The following HHAT variants were observed in gnomAD, a reference collection of about 807,000 sequenced individuals.
HHAT encodes hedgehog acyltransferase.
In HHAT, 47 loss-of-function variants were observed where a neutral mutation model predicts 70.8. The observed-to-expected ratio is 0.66, with a 90% CI of 0.53 to 0.85. The LOEUF (loss-of-function observed/expected upper bound fraction) is 0.85. Ranked by LOEUF, HHAT falls within the 40% of genes least tolerant of loss-of-function variation. The pLI is 0.00. For missense variants in HHAT, 609 were observed against 604.8 expected, an observed-to-expected ratio of 1.01 and a Z score of -0.07; for synonymous variants, 228 against 247.6, an observed-to-expected ratio of 0.92 and a Z score of 0.74.
chr1:210,429,138 A>G (rs2093167696), intron 7 of HHAT, among the ~76,000 whole-genome samples: 1 of 151,956 alleles, frequency 6.6e-6, no homozygotes, highest in South Asian at 2.1e-4. Context: ...TTAAATATCT[A>G]GAATGTTTGA....
At chr1:210,537,032 A>C (rs147897008) in intron 9 of HHAT, among the ~76,000 whole-genome samples, 1 of 152,188 alleles carries the variant, frequency 6.6e-6, no homozygotes, top group Non-Finnish European at 1.5e-5. Context: ...GAAGGTGTAA[A>C]AAAAAAAAGG....
At position 210,404,580 on chromosome 1, in the gene HHAT, A is replaced by G. The variant is rs1252820885; in HGVS notation, c.585A>G (p.Ala195=). The G allele has an allele frequency of 3.7e-6, 6 of 1,613,880 alleles. No individual in the cohort carries two copies. The highest frequency in any genetic ancestry group is 3.3e-4 in the Middle Eastern group (2 of 6,066). ...LELCWQQLPA[A]STSYSFPWML... ...TCTGCTGGCAGCAGCTGCCTGCTGC[A>G]TCGACCTCCTACTCCTTTCCCTGGA... The change falls in exon 6 of 12, where the codon GCA becomes GCG. Residue 195 remains alanine (A), a synonymous_variant. Transcript: ENST00000261458.
At chr1:210,557,097 G>T (rs1469186542) in intron 9 of HHAT, among the ~76,000 whole-genome samples, 3 of 152,180 alleles carry the variant, frequency 2.0e-5, no homozygotes, top group South Asian at 4.1e-4. Flanking sequence ...GGACCCAGTG[G>T]TGCCAAAGGC....
At chr1:210,508,128 G>A (rs2094892843) in intron 8 of HHAT, among the ~76,000 whole-genome samples, 1 of 148,478 alleles carries the variant, frequency 6.7e-6, no homozygotes. Flanking sequence ...GAACCTGGGA[G>A]GTGGAGGTTG....
At chr1:210,432,264 G>T (rs1456946830) in intron 7 of HHAT, among the ~76,000 whole-genome samples, 4 of 151,818 alleles carry the variant, frequency 2.6e-5, no homozygotes, top group Admixed American at 6.5e-5. Context: ...GAGAATAAAG[G>T]AGGGCCAAGT....
chr1:210,379,257 G>A (rs1248849616), intron 3 of HHAT, among the ~76,000 whole-genome samples: 1 of 152,210 alleles, frequency 6.6e-6, no homozygotes, highest in Non-Finnish European at 1.5e-5. Flanking sequence ...AAGTCTCACA[G>A]ACCATACATT....
At chr1:210,413,664 T>G (rs755027067) in intron 6 of HHAT, among the ~76,000 whole-genome samples, 5 of 152,238 alleles carry the variant, frequency 3.3e-5, no homozygotes, top group Non-Finnish European at 7.3e-5. Context: ...AGTTCTTTGC[T>G]GGTTCATAAC....
At chr1:210,484,494 CT>C (rs11295259) in intron 8 of HHAT, among the ~76,000 whole-genome samples, 91,744 of 145,680 alleles carry the variant, frequency 0.63, 29,589 homozygotes, top group African/African-American at 0.81. Context: ...ACCATAGCTA[CT>C]TTTTTTTTTT....
intron 11 of HHAT, among the ~76,000 whole-genome samples, chr1:210,673,438 C>T (rs960586966): frequency 2.0e-5 from 3 of 151,934 alleles, no homozygotes; most frequent in East Asian, 1.9e-4. Flanking sequence ...TAGGGGGAAA[C>T]GTACCCTGAT....
intron 10 of HHAT, among the ~76,000 whole-genome samples, chr1:210,601,937 C>CAG (rs147826172): frequency 0.28 from 40,745 of 147,250 alleles, 6,635 homozygotes; most frequent in East Asian, 0.67. Flanking sequence ...ATTTGAGACT[C>CAG]AGAGAGAGAG....
In HHAT at chr1:210,404,559, C is replaced by T; in HGVS notation, c.564C>T (p.Cys188=). 6.2e-7 allele frequency: 1 copy of T among 1,613,500 alleles called. No homozygotes were observed. Among genetic ancestry groups the T allele is most frequent in the Non-Finnish European group, 8.5e-7 (1 of 1,179,426 alleles). ...LYYTSFSLEL[C]WQQLPAASTS... Reference sequence around the variant, plus strand: ...ACACCAGCTTCAGCCTGGAGCTCTGCTGGCAGCAGCTGCCTGCTGCATCGA... The same window carrying T: ...ACACCAGCTTCAGCCTGGAGCTCTGTTGGCAGCAGCTGCCTGCTGCATCGA... The change falls in exon 6 of 12, where the codon TGC becomes TGT. Residue 188 remains cysteine (C), a synonymous_variant. Transcript: ENST00000261458.
intron 10 of HHAT, among the ~76,000 whole-genome samples, chr1:210,618,063 A>G (rs1483245557): frequency 6.6e-6 from 1 of 152,224 alleles, no homozygotes; most frequent in Non-Finnish European, 1.5e-5. Context: ...CCTATCCTTG[A>G]GGAACCTACT....
intron 9 of HHAT, among the ~76,000 whole-genome samples, chr1:210,559,517 C>T (rs1465326831): frequency 1.3e-5 from 2 of 152,228 alleles, no homozygotes; most frequent in Non-Finnish European, 2.9e-5. Flanking sequence ...GCTCACTTTG[C>T]AGAGTTGCTC....
At chr1:210,338,136 C>T (rs919583990) in intron 1 of HHAT, among the ~76,000 whole-genome samples, 1 of 151,728 alleles carries the variant, frequency 6.6e-6, no homozygotes, top group African/African-American at 2.4e-5. Context: ...CACTTGAGTC[C>T]AGGAGTTCAA....
chr1:210,670,694 G>A (rs1025289720), intron 11 of HHAT, among the ~76,000 whole-genome samples: 13 of 152,218 alleles, frequency 8.5e-5, no homozygotes, highest in African/African-American at 1.2e-4. Context: ...TACATGCCAC[G>A]TCTACTGTCT....
chr1:210,596,073 G>A (rs187259523), intron 10 of HHAT, among the ~76,000 whole-genome samples: 285 of 152,192 alleles, frequency 1.9e-3, no homozygotes, highest in African/African-American at 6.4e-3. Flanking sequence ...TATTGCCTAG[G>A]TTTTTCTTCT....
At chr1:210,414,018 G>C (rs574802542) in intron 6 of HHAT, among the ~76,000 whole-genome samples, 3 of 152,150 alleles carry the variant, frequency 2.0e-5, no homozygotes, top group Non-Finnish European at 4.4e-5. Flanking sequence ...TAGTCCATTT[G>C]AGCTGCTGTA....
At chr1:210,390,122 A>G (rs1486519314) in intron 4 of HHAT, among the ~76,000 whole-genome samples, 3 of 152,234 alleles carry the variant, frequency 2.0e-5, no homozygotes, top group Non-Finnish European at 4.4e-5. Context: ...TGCAATCAAC[A>G]TAAGTGGATT....
At chr1:210,519,637 C>T (rs889966212) in intron 9 of HHAT, among the ~76,000 whole-genome samples, 2 of 151,360 alleles carry the variant, frequency 1.3e-5, no homozygotes, top group Non-Finnish European at 2.9e-5. Flanking sequence ...AAGCAATCCG[C>T]CTACCTTAGC....
Sources: allele counts gnomAD v4.1 joint callset (sites outside exome capture counted in the v4.1 genomes callset), GRCh38; gene constraint gnomAD v4.1.1; transcripts MANE v1.5; gene names NCBI Gene and HGNC (gene_info 2026-07-23, HGNC 2026-07-21).